The following RBKS variants were observed in gnomAD, a reference collection of about 807,000 sequenced individuals.
RBKS encodes ribokinase.
Under a neutral mutation model 33.9 loss-of-function variants are expected in RBKS, and 33 were observed. That is an observed-to-expected ratio of 0.97 (90% CI 0.74 to 1.30). The LOEUF is 1.30. Among genes scored for constraint, RBKS ranks in the 50% most tolerant of loss-of-function variants. The probability of loss-of-function intolerance (pLI) is 0.00; values close to 1 mark genes in which losing one functional copy is unlikely to be tolerated. For missense variants in RBKS, 361 were observed against 392.6 expected (o/e 0.92, Z 0.68); for synonymous variants, 125 against 143.0 (o/e 0.87, Z 0.90).
chr2:27,865,042 C>T (rs548608389), intron 1 of RBKS, among the ~76,000 whole-genome samples: 1 of 152,142 alleles, frequency 6.6e-6, no homozygotes, highest in Non-Finnish European at 1.5e-5. Context: ...TTCTTTAGGC[C>T]GGGCGCGACG....
At chr2:27,820,700 G>C (rs1678186453) in intron 7 of RBKS, among the ~76,000 whole-genome samples, 1 of 151,856 alleles carries the variant, frequency 6.6e-6, no homozygotes. Context: ...GTGTGAGCCA[G>C]CATGATCAGC....
At chr2:27,787,701 C>T (rs1677430633) in intron 7 of RBKS, among the ~76,000 whole-genome samples, 1 of 152,142 alleles carries the variant, frequency 6.6e-6, no homozygotes, top group Non-Finnish European at 1.5e-5. Context: ...CCTAATTCTA[C>T]ACAAATTCTT....
intron 7 of RBKS, among the ~76,000 whole-genome samples, chr2:27,783,703 C>T (rs1020175341): frequency 6.6e-6 from 1 of 151,814 alleles, no homozygotes; most frequent in Non-Finnish European, 1.5e-5. Flanking sequence ...GTCAGGAGAT[C>T]GAGACCATCC....
Position 27,827,586 on chromosome 2 carries a change from A to G in RBKS, c.776T>C (p.Val259Ala), listed in dbSNP as rs2148202516. The G allele has an allele frequency of 6.3e-7, 1 of 1,593,784 alleles. No homozygotes were observed. The highest frequency in any genetic ancestry group is 2.3e-5 in the East Asian group (1 of 44,092). ...PEPKHIPTEK[V>A]KAVDTTGAGD... ...ACTTACCGTGGTATCCACAGCCTTG[A>G]CTTTCTCTGTGGGAATGTGCTTTGG... The change falls in exon 7 of 8, where the codon GTC becomes GCC. Residue 259 changes from valine to alanine, a missense_variant. Transcript: ENST00000302188.
At chr2:27,788,393 G>C (rs1236882263) in intron 7 of RBKS, among the ~76,000 whole-genome samples, 1 of 152,152 alleles carries the variant, frequency 6.6e-6, no homozygotes, top group Non-Finnish European at 1.5e-5. Context: ...CAAGGTAACG[G>C]GACACAAGGT....
chr2:27,842,932 A>T, intron 5 of RBKS, 135 bp downstream of exon 5: 1 of 616,300 alleles, frequency 1.6e-6, no homozygotes, highest in Admixed American at 4.0e-5. Context: ...GAACCACAAG[A>T]CTGTGAATCT....
intron 1 of RBKS, among the ~76,000 whole-genome samples, chr2:27,873,045 G>A (rs1437728620): frequency 6.6e-6 from 1 of 152,176 alleles, no homozygotes; most frequent in Non-Finnish European, 1.5e-5. Context: ...CCAGGGTAAT[G>A]ATGGAGCACT....
chr2:27,829,782 C>T lies in RBKS; in HGVS notation c.607-2027G>A, dbSNP rs550939766. Reference sequence around the variant, plus strand: ...GCTGTTTCTGGGGCTACTGCCAGTCCAGTCACTAAGTCAGTGGTTGGCTTG... The same window carrying T: ...GCTGTTTCTGGGGCTACTGCCAGTCTAGTCACTAAGTCAGTGGTTGGCTTG... On this transcript the variant is annotated intron_variant, in intron 6 of 7. Coordinates refer to ENST00000302188, the MANE Select transcript of RBKS (RefSeq NM_022128.3). 3.9e-5 allele frequency among the ~76,000 whole-genome samples: 6 copies of T among 152,286 alleles called. No individual in the cohort carries two copies. The East Asian group carries it at 1.2e-3, about 29-fold the overall frequency.
intron 6 of RBKS, among the ~76,000 whole-genome samples, chr2:27,831,251 A>G (rs1678409380): frequency 7.2e-6 from 1 of 139,786 alleles, no homozygotes; most frequent in African/African-American, 3.1e-5. Flanking sequence ...ACACAGGGAT[A>G]GCCATCAGGG....
chr2:27,886,691 T>C (rs752376506), intron 1 of RBKS, among the ~76,000 whole-genome samples: 4 of 150,768 alleles, frequency 2.7e-5, no homozygotes, highest in Admixed American at 6.6e-5. Flanking sequence ...CTGGGCAATA[T>C]AGCGAGAGCC....
At chr2:27,888,623 A>G (rs1458944959) in intron 1 of RBKS, among the ~76,000 whole-genome samples, 2 of 152,216 alleles carry the variant, frequency 1.3e-5, no homozygotes, top group East Asian at 3.8e-4. Flanking sequence ...AGTAAGTACC[A>G]TATAACCTTT....
chr2:27,814,049 C>T (rs533506725), intron 7 of RBKS, among the ~76,000 whole-genome samples: 68 of 151,456 alleles, frequency 4.5e-4, no homozygotes, highest in Admixed American at 3.2e-3. Flanking sequence ...CAAAGTGAGA[C>T]GCCAGCTCTA....
At chr2:27,846,024 A>G (rs1050840381) in intron 4 of RBKS, among the ~76,000 whole-genome samples, 31 of 151,524 alleles carry the variant, frequency 2.0e-4, no homozygotes, top group African/African-American at 7.0e-4. Flanking sequence ...GAGTGTAGTC[A>G]CCCAATCTTG....
At chr2:27,839,606 A>C (rs1053250923) in intron 5 of RBKS, among the ~76,000 whole-genome samples, 2 of 152,236 alleles carry the variant, frequency 1.3e-5, no homozygotes, top group Admixed American at 1.3e-4. Flanking sequence ...ATATATTAGC[A>C]TAATCTAGTT....
At chr2:27,796,949 TTGACTA>T (rs1677678438) in intron 7 of RBKS, among the ~76,000 whole-genome samples, 1 of 152,210 alleles carries the variant, frequency 6.6e-6, no homozygotes. Context: ...GCCTGGGCCC[TTGACTA>T]TGGCCATGGG....
chr2:27,781,648 A>G lies in RBKS; in HGVS notation c.936T>C (p.Pro312=). The change falls in exon 8 of 8, where the codon CCT becomes CCC. Residue 312 remains proline, a synonymous_variant. Coordinates refer to ENST00000302188, the MANE Select transcript of RBKS (RefSeq NM_022128.3). ...GAGTAAGCGGAAGGTCTTTTTTGTAAGGGTAAGATGACTGTGTTCCTGCAG... is the reference window on the plus strand; with the variant it reads ...GAGTAAGCGGAAGGTCTTTTTTGTAGGGGTAAGATGACTGTGTTCCTGCAG... The part of the protein sequence containing the change: ...VQAAGTQSSY[P]YKKDLPLTLF 6.2e-7 allele frequency: 1 copy of G among 1,611,836 alleles called. No homozygotes were observed. The highest frequency in any genetic ancestry group is 8.5e-7 in the Non-Finnish European group (1 of 1,179,320).
intron 7 of RBKS, among the ~76,000 whole-genome samples, chr2:27,826,705 G>A (rs1253922026): frequency 6.6e-6 from 1 of 152,106 alleles, no homozygotes; most frequent in East Asian, 1.9e-4. Context: ...CGCCTGGCAA[G>A]CTCTTCTGAA....
chr2:27,798,062 G>C (rs1188292596), intron 7 of RBKS, among the ~76,000 whole-genome samples: 26 of 152,076 alleles, frequency 1.7e-4, no homozygotes, highest in Admixed American at 1.7e-3. Flanking sequence ...GGAGCTATGA[G>C]ACTTGGTAAT....
intron 7 of RBKS, among the ~76,000 whole-genome samples, chr2:27,824,365 T>G (rs147593268): frequency 7.9e-5 from 12 of 152,338 alleles, no homozygotes; most frequent in African/African-American, 2.9e-4. Flanking sequence ...TCCTTACCCA[T>G]TAGGCAGTTT....
Sources: allele counts gnomAD v4.1 joint callset (sites outside exome capture counted in the v4.1 genomes callset), GRCh38; gene constraint gnomAD v4.1.1; transcripts MANE v1.5; gene names NCBI Gene and HGNC (gene_info 2026-07-23, HGNC 2026-07-21).